The following GFM2 variants were observed in gnomAD, a reference collection of about 807,000 sequenced individuals.
GFM2 encodes the protein ribosome-releasing factor 2, mitochondrial.
In GFM2, 72 loss-of-function variants were observed where a neutral mutation model predicts 95.4. The observed-to-expected ratio is 0.76, with a 90% confidence interval of 0.62 to 0.92. The LOEUF is 0.92. Among genes scored for constraint, GFM2 ranks in the 40% least tolerant of loss-of-function variants. The probability of loss-of-function intolerance (pLI) is 0.00; values close to 1 mark genes in which losing one functional copy is unlikely to be tolerated. For synonymous variants in GFM2, 276 were observed against 317.5 expected (o/e 0.87, Z 1.39); for missense variants, 825 against 924.1 (o/e 0.89, Z 1.39).
Position 74,726,062 on chromosome 5 carries a change from T to C in GFM2, c.1791A>G (p.Pro597=). 6.2e-7 allele frequency: 1 copy of C among 1,613,548 alleles called. No homozygotes were observed. Among genetic ancestry groups the C allele is most frequent in the Non-Finnish European group, 8.5e-7 (1 of 1,179,790 alleles). The change falls in exon 18 of 21, where the codon CCA becomes CCG. Residue 597 remains proline (P), a synonymous_variant. Coordinates refer to ENST00000296805, the MANE Select transcript of GFM2 (RefSeq NM_032380.5). The part of the protein sequence containing the change: ...HLVTVEVEAR[P]IETSSVMPVI... ...CAGGCATAACAGATGATGTTTCAAT[T>C]GGCCTTGCTTCCACTTCTACAGTCA...
chr5:74,735,439 A>G (rs1439659160), intron 15 of GFM2, among the ~76,000 whole-genome samples: 1 of 152,108 alleles, frequency 6.6e-6, no homozygotes, highest in Non-Finnish European at 1.5e-5. Context: ...GGCAATAGAG[A>G]TTGCTTTTGT....
At chr5:74,763,221 A>C (rs1744372475) in intron 2 of GFM2, among the ~76,000 whole-genome samples, 1 of 152,266 alleles carries the variant, frequency 6.6e-6, no homozygotes, top group Non-Finnish European at 1.5e-5. Flanking sequence ...GCTGGCTTCC[A>C]ACAGCTCTGC....
At chr5:74,761,076 TA>T in intron 2 of GFM2, 90 bp from the exon 3 acceptor site, 1 of 755,882 alleles carries the variant, frequency 1.3e-6, no homozygotes. Flanking sequence ...TGTCAGAAGA[TA>T]AAATATTTTG....
Position 74,725,977 on chromosome 5 carries a change from C to A in GFM2, c.1876G>T (p.Ala626Ser), listed in dbSNP as rs1469691037. Reference sequence around the variant, plus strand: ...GCGCTGTGAATTCCATTTTCAATGGCCTCTTGGGAGACCTTCAAAAGGCCT... The same window carrying A: ...GCGCTGTGAATTCCATTTTCAATGGACTCTTGGGAGACCTTCAAAAGGCCT... ...NEGLLKVSQE[A>S]IENGIHSACL... is the part of the protein sequence containing the mutation. Residue 626 changes from alanine (A) to serine (S), a missense_variant, in exon 18 of 21, where the codon GCC (alanine) becomes TCC (serine). By Grantham distance (99) the Ala-to-Ser change is moderately conservative. Transcript: ENST00000296805. 1 of 1,612,494 alleles carries A rather than the reference C, an allele frequency of 6.2e-7. No homozygotes were observed. The highest frequency in any genetic ancestry group is 1.7e-5 in the Admixed American group (1 of 59,684).
At chr5:74,736,540 T>A (rs1414363313) in intron 15 of GFM2, 16 of 1,297,732 alleles carry the variant, frequency 1.2e-5, no homozygotes, top group Non-Finnish European at 1.6e-5. Flanking sequence ...TTACTTAGAA[T>A]CCCATAGATA....
rs577221418 is a variant in GFM2 at position 74,729,739 on chromosome 5, G to GAGT, written c.1726+518_1726+520dup. 9.7e-4 allele frequency among the ~76,000 whole-genome samples: 146 copies of GAGT among 150,466 alleles called. 1 individual carries two copies. Among genetic ancestry groups the GAGT allele is most frequent in the Admixed American group, 1.6e-3 (24 of 15,114 alleles). On this transcript the variant is annotated intron_variant, in intron 17 of 20. Transcript: ENST00000296805. ...CTTTCCACACTTTCTTCTTGGGGGT[G>GAGT]AGTAGCAATAATTGTTGTCATGTTT...
At chr5:74,757,993 A>G (rs1444786295) in intron 5 of GFM2, among the ~76,000 whole-genome samples, 1 of 152,150 alleles carries the variant, frequency 6.6e-6, no homozygotes, top group Non-Finnish European at 1.5e-5. Flanking sequence ...TGAAAGATGA[A>G]AATGTTTTGA....
In GFM2 at chr5:74,730,383, T is replaced by A. The variant is rs532678363; in HGVS notation, c.1603A>T (p.Met535Leu). ...PDSGQTVLCG[M>L]GELHIEIIHD... ...ATAATCTCTATATGTAACTCCCCCA[T>A]ACCACACAGAACAGTCTGGTTACCA... Residue 535 changes from methionine (M) to leucine (L), a missense_variant, in exon 17 of 21, where the codon ATG becomes TTG. By Grantham distance (15) the Met-to-Leu change is conservative (BLOSUM62 2). Transcript: ENST00000296805. 5 of 1,605,654 alleles carry A rather than the reference T, an allele frequency of 3.1e-6. No homozygotes were observed. The highest frequency in any genetic ancestry group is 4.3e-6 in the Non-Finnish European group (5 of 1,175,222).
chr5:74,729,926 AG>A (rs1742474319), intron 17 of GFM2, among the ~76,000 whole-genome samples: 1 of 152,306 alleles, frequency 6.6e-6, no homozygotes, highest in African/African-American at 2.4e-5. Flanking sequence ...TACTTTATAG[AG>A]TAAAAATAAC....
chr5:74,725,875 G>GT, intron 18 of GFM2, 66 bp downstream of exon 18: 3 of 1,487,300 alleles, frequency 2.0e-6, no homozygotes, highest in Non-Finnish European at 2.8e-6. Flanking sequence ...GAAATAATCT[G>GT]TAATATAAGG....
intron 17 of GFM2, among the ~76,000 whole-genome samples, chr5:74,726,640 A>T (rs892742467): frequency 2.0e-5 from 3 of 152,178 alleles, no homozygotes; most frequent in Non-Finnish European, 4.4e-5. Flanking sequence ...TGTTTTTGGT[A>T]AGATTGAAAA....
chr5:74,766,520 C>T (rs1744622304), intron 1 of GFM2, among the ~76,000 whole-genome samples: 1 of 152,138 alleles, frequency 6.6e-6, no homozygotes, highest in African/African-American at 2.4e-5. Flanking sequence ...TTAATTACTT[C>T]TTGACACTAG....
chr5:74,723,935 TA>T, intron 19 of GFM2, among the ~76,000 whole-genome samples: 1 of 152,274 alleles, frequency 6.6e-6, no homozygotes, highest in East Asian at 1.9e-4. Flanking sequence ...TTAGGTAGAG[TA>T]AAATATAATC....
At chr5:74,731,611 T>G (rs73762944) in intron 16 of GFM2, among the ~76,000 whole-genome samples, 3,135 of 151,820 alleles carry the variant, frequency 0.021, 104 homozygotes, top group African/African-American at 0.072. Context: ...AAAACTGTAA[T>G]CACAAATTTA....
At chr5:74,734,316 A>G (rs1012021375) in intron 15 of GFM2, among the ~76,000 whole-genome samples, 3 of 152,142 alleles carry the variant, frequency 2.0e-5, no homozygotes, top group Non-Finnish European at 4.4e-5. Context: ...ATTTTGATAT[A>G]TTATGAAAAT....
chr5:74,733,312 G>A (rs889685512), intron 15 of GFM2: 32 of 337,064 alleles, frequency 9.5e-5, no homozygotes, highest in South Asian at 2.5e-4. Flanking sequence ...GCAACATGGC[G>A]AAACCCCGTC....
At chr5:74,760,839 AAG>A in intron 3 of GFM2, 61 bp downstream of exon 3, 1 of 1,061,170 alleles carries the variant, frequency 9.4e-7, no homozygotes. Flanking sequence ...TCTTGCAAAC[AAG>A]AGAGAGAAAA....
At chr5:74,729,564 T>G (rs1046393072) in intron 17 of GFM2, among the ~76,000 whole-genome samples, 7 of 152,216 alleles carry the variant, frequency 4.6e-5, no homozygotes, top group Non-Finnish European at 1.0e-4. Flanking sequence ...AGAGAACGCC[T>G]CATGCTATTT....
intron 14 of GFM2, among the ~76,000 whole-genome samples, chr5:74,737,449 TG>T (rs2112259564): frequency 6.6e-6 from 1 of 152,348 alleles, no homozygotes; most frequent in African/African-American, 2.4e-5. Context: ...TTTTAAAAAC[TG>T]TAATTTCACT....
Sources: allele counts gnomAD v4.1 joint callset (sites outside exome capture counted in the v4.1 genomes callset), GRCh38; gene constraint gnomAD v4.1.1; transcripts MANE v1.5; gene names NCBI Gene and HGNC (gene_info 2026-07-23, HGNC 2026-07-21).